The following PARD3B variants were observed in gnomAD, a reference collection of about 807,000 sequenced individuals.
PARD3B encodes the protein par-3 family cell polarity regulator beta.
PARD3B carries 103 observed loss-of-function variants against 130.2 expected under a neutral mutation model. The ratio of observed to expected loss-of-function variants is 0.79; its 90% CI spans 0.67 to 0.93. PARD3B has a LOEUF of 0.93. Ranked by LOEUF, PARD3B falls within the 40% of genes least tolerant of loss-of-function variation. The pLI, the probability that PARD3B is intolerant of heterozygous loss-of-function variation, is 0.00. For missense variants in PARD3B, 1,609 were observed against 1,499.2 expected, an observed-to-expected ratio of 1.07 and a Z score of -1.21; for synonymous variants, 583 against 553.2, an observed-to-expected ratio of 1.05 and a Z score of -0.76.
chr2:204,659,699 T>A (rs2035739885), intron 1 of PARD3B, among the ~76,000 whole-genome samples: 1 of 152,206 alleles, frequency 6.6e-6, no homozygotes, highest in African/African-American at 2.4e-5. Flanking sequence ...TGTCAGGATG[T>A]GGTTGGCACT....
intron 4 of PARD3B, among the ~76,000 whole-genome samples, chr2:205,095,851 A>G (rs968528052): frequency 6.6e-5 from 10 of 152,146 alleles, no homozygotes; most frequent in South Asian, 2.1e-4. Context: ...TAAAATCTCA[A>G]TCAGAATACT....
intron 2 of PARD3B, among the ~76,000 whole-genome samples, chr2:204,748,240 G>A (rs1012473747): frequency 6.6e-6 from 1 of 152,046 alleles, no homozygotes; most frequent in Non-Finnish European, 1.5e-5. Context: ...GACACCTAAA[G>A]ATGGGTAGAA....
At chr2:205,557,785 G>A (rs2052958650) in intron 22 of PARD3B, among the ~76,000 whole-genome samples, 1 of 152,116 alleles carries the variant, frequency 6.6e-6, no homozygotes, top group African/African-American at 2.4e-5. Context: ...GTGCCTTCCT[G>A]TAATGAGGCA....
At chr2:205,095,902 G>A (rs974960187) in intron 4 of PARD3B, among the ~76,000 whole-genome samples, 2 of 151,930 alleles carry the variant, frequency 1.3e-5, no homozygotes, top group Non-Finnish European at 2.9e-5. Context: ...CTGATTATTA[G>A]CAATGAGAAG....
chr2:204,732,445 A>G (rs1401691225), intron 2 of PARD3B, among the ~76,000 whole-genome samples: 1 of 152,026 alleles, frequency 6.6e-6, no homozygotes, highest in East Asian at 1.9e-4. Context: ...TTAATTTCTT[A>G]CTTTGCTCAT....
rs368571155 is a variant in PARD3B at position 204,906,796 on chromosome 2, A to G, written c.223-58356A>G. ...CTTAATTTTATGTTAAACATTTTAC[A>G]TTGGATTATTTCATCTGCGTGGTTT... On this transcript the variant is annotated intron_variant, in intron 2 of 22. Coordinates refer to ENST00000406610, the MANE Select transcript of PARD3B (RefSeq NM_001302769.2). The surrounding 1 kb of genome is among the most constrained non-coding windows in gnomAD (Gnocchi z 4.3). Among the ~76,000 whole-genome samples the G allele has an allele frequency of 1.2e-4, 19 of 152,258 alleles. No individual in the cohort carries two copies. The East Asian group carries it at 3.3e-3, about 26-fold the overall frequency.
intron 1 of PARD3B, among the ~76,000 whole-genome samples, chr2:204,652,172 C>T (rs937168566): frequency 2.6e-5 from 4 of 152,124 alleles, no homozygotes; most frequent in African/African-American, 4.8e-5. Context: ...ATCACCCCCA[C>T]CCCCGAAAAT....
rs773999132 is a variant in PARD3B at position 205,268,277 on chromosome 2, A to G, written c.2185+22455A>G. The stretch of plus-strand genomic sequence containing the variant: ...CATGCATTAGTGAAAGTAAATAAGC[A>G]TGAAGACAGACTGATTAAGCTCACT... On this transcript the variant is annotated intron_variant, in intron 16 of 22. Coordinates refer to ENST00000406610, the MANE Select transcript of PARD3B (RefSeq NM_001302769.2). This position sits in a 1 kb window ranked among gnomAD's most constrained non-coding sequence, Gnocchi z 4.1. Among the ~76,000 whole-genome samples, 5 of 152,254 alleles carry G rather than the reference A, an allele frequency of 3.3e-5. No individual in the cohort carries two copies. Among genetic ancestry groups the G allele is most frequent in the Non-Finnish European group, 5.9e-5 (4 of 68,040 alleles).
chr2:204,669,835 A>C lies in PARD3B; in HGVS notation c.121-16346A>C, dbSNP rs920634931. On this transcript the variant is annotated intron_variant, in intron 1 of 22. Transcript: ENST00000406610. This position sits in a 1 kb window ranked among gnomAD's most constrained non-coding sequence, Gnocchi z 4.3. ...AAGTCCTCTTTTACTCCGAGGAATG[A>C]AGAGATGCTGTTTTAGATGACAGAA... Among the ~76,000 whole-genome samples, 10 of 152,166 alleles carry C rather than the reference A, an allele frequency of 6.6e-5. No individual in the cohort carries two copies. Among genetic ancestry groups the C allele is most frequent in the African/African-American group, 2.4e-4 (10 of 41,440 alleles).
At chr2:205,362,753 G>A (rs2044438338) in intron 18 of PARD3B, among the ~76,000 whole-genome samples, 1 of 152,110 alleles carries the variant, frequency 6.6e-6, no homozygotes, top group African/African-American at 2.4e-5. Flanking sequence ...TTGCATTTTG[G>A]CAATGAGAAA....
At chr2:205,481,811 C>G (rs978730982) in intron 20 of PARD3B, among the ~76,000 whole-genome samples, 2 of 152,182 alleles carry the variant, frequency 1.3e-5, no homozygotes, top group Non-Finnish European at 2.9e-5. Flanking sequence ...AGAGCCTGGG[C>G]TCTAATGCTG....
chr2:205,270,566 C>CA (rs61225019), intron 16 of PARD3B, among the ~76,000 whole-genome samples: 2,347 of 138,016 alleles, frequency 0.017, 57 homozygotes, highest in African/African-American at 0.058. Flanking sequence ...GACTCCATCT[C>CA]AAAAAAAAAA....
In PARD3B at chr2:205,252,834, AG is replaced by A. The variant is rs1329363985; in HGVS notation, c.2185+7015del. Among the ~76,000 whole-genome samples the A allele has an allele frequency of 2.1e-4, 23 of 107,604 alleles. No individual in the cohort carries two copies. The East Asian group carries it at 8.6e-3, about 40-fold the overall frequency. 70.6% of individuals were successfully genotyped at this position (107,604 alleles called of 152,430 possible). Reference sequence around the variant, plus strand: ...CAATCTTTTGGTTGTAGGAACCTGAAGGGACCCCCCCCCCCCACCAAAAAAA... The same window carrying A: ...CAATCTTTTGGTTGTAGGAACCTGAAGGACCCCCCCCCCCCACCAAAAAAA... On this transcript the variant is annotated intron_variant, in intron 16 of 22. Coordinates refer to ENST00000406610, the MANE Select transcript of PARD3B (RefSeq NM_001302769.2).
intron 1 of PARD3B, among the ~76,000 whole-genome samples, chr2:204,595,573 C>T (rs1436973219): frequency 6.6e-6 from 1 of 152,122 alleles, no homozygotes; most frequent in Non-Finnish European, 1.5e-5. Context: ...AAACAGTTTA[C>T]CAAAGAATAT....
At chr2:205,508,962 A>T (rs952382655) in intron 21 of PARD3B, among the ~76,000 whole-genome samples, 1 of 141,020 alleles carries the variant, frequency 7.1e-6, no homozygotes, top group Non-Finnish European at 1.6e-5. Context: ...AATAAACTGA[A>T]TTTTTTTTTT....
At chr2:205,108,228 C>T (rs931407867) in intron 5 of PARD3B, among the ~76,000 whole-genome samples, 3 of 152,152 alleles carry the variant, frequency 2.0e-5, no homozygotes, top group Non-Finnish European at 2.9e-5. Context: ...CCTCAAGTAC[C>T]AGTCTCTCCC....
intron 10 of PARD3B, among the ~76,000 whole-genome samples, chr2:205,140,571 AC>A (rs2032871887): frequency 6.6e-6 from 1 of 151,562 alleles, no homozygotes; most frequent in Non-Finnish European, 1.5e-5. Context: ...TGTTAGGAAA[AC>A]AAAATGAGTC....
chr2:205,043,312 G>C lies in PARD3B; in HGVS notation c.395-4269G>C, dbSNP rs1167857820. ...AACAAGTGCTATTACCTACTTTTTT[G>C]GGGGAGGGAGTCCTGTATGAAAATT... On this transcript the variant is annotated intron_variant, in intron 3 of 22. Coordinates refer to ENST00000406610, the MANE Select transcript of PARD3B (RefSeq NM_001302769.2). 2.6e-5 allele frequency among the ~76,000 whole-genome samples: 4 copies of C among 151,796 alleles called. No homozygotes were observed. The East Asian group carries it at 7.7e-4, about 29-fold the overall frequency.
chr2:205,392,816 A>G (rs2045902937), intron 18 of PARD3B, among the ~76,000 whole-genome samples: 1 of 152,228 alleles, frequency 6.6e-6, no homozygotes, highest in Non-Finnish European at 1.5e-5. Flanking sequence ...CTACAGGCAT[A>G]GCCAAGGCAG....
Sources: gnomAD v4.1 joint callset for allele counts (sites outside exome capture counted in the v4.1 genomes callset) on GRCh38, gnomAD v4.1.1 for gene constraint, Gnocchi (gnomAD v3.1) non-coding constraint, MANE v1.5 for transcripts, NCBI Gene and HGNC (gene_info 2026-07-23, HGNC 2026-07-21) for gene names.